The following UPF1 variants were observed in gnomAD, a reference collection of about 807,000 sequenced individuals.
The protein encoded by UPF1 is regulator of nonsense transcripts 1.
A neutral mutation model predicts 129.2 loss-of-function variants in UPF1; 9 were observed. The observed-to-expected ratio is 0.07, with a 90% CI of 0.04 to 0.12. The LOEUF (loss-of-function observed/expected upper bound fraction) is 0.12, where lower values mean the gene tolerates loss of function less well. Among genes scored for constraint, UPF1 ranks in the 10% least tolerant of loss-of-function variants. The probability of loss-of-function intolerance (pLI) is 1.00; values close to 1 mark genes in which losing one functional copy is unlikely to be tolerated. For missense variants in UPF1, 788 were observed against 1,525.3 expected, an observed-to-expected ratio of 0.52 and a Z score of 8.05; for synonymous variants, 649 against 644.9, an observed-to-expected ratio of 1.01 and a Z score of -0.10.
chr19:18,842,584 C>T (rs2145939247), intron 1 of UPF1, among the ~76,000 whole-genome samples: 1 of 152,276 alleles, frequency 6.6e-6, no homozygotes, highest in Non-Finnish European at 1.5e-5. Flanking sequence ...GACCTCCTGG[C>T]AACCCTCTGC....
At chr19:18,847,365 C>T (rs918435148) in intron 2 of UPF1, among the ~76,000 whole-genome samples, 5 of 152,188 alleles carry the variant, frequency 3.3e-5, no homozygotes, top group African/African-American at 1.2e-4. Flanking sequence ...TGCCCAGCTC[C>T]CTGGGAGCAC....
chr19:18,835,808 G>A (rs1265579819), intron 1 of UPF1, among the ~76,000 whole-genome samples: 2 of 152,162 alleles, frequency 1.3e-5, no homozygotes, highest in African/African-American at 2.4e-5. Flanking sequence ...AGGTTTCTGC[G>A]TGGATGTGTT....
chr19:18,846,796 C>T (rs536382456), intron 2 of UPF1, among the ~76,000 whole-genome samples: 20 of 152,264 alleles, frequency 1.3e-4, no homozygotes, highest in African/African-American at 3.8e-4. Flanking sequence ...CGAGACCATC[C>T]TGGCTAACAC....
At chr19:18,863,355 G>A (rs888882239) in intron 18 of UPF1, 83 bp from the exon 19 acceptor site, 2 of 1,542,038 alleles carry the variant, frequency 1.3e-6, no homozygotes, top group Admixed American at 1.8e-5. Context: ...TGGGTTCTGA[G>A]TGAATGCAGC....
chr19:18,857,554 G>A, intron 15 of UPF1, 21 bp downstream of exon 15: 1 of 1,583,588 alleles, frequency 6.3e-7, no homozygotes, highest in Non-Finnish European at 8.6e-7. Context: ...TCTGCCCAGG[G>A]CAGGGGCTTC....
intron 1 of UPF1, among the ~76,000 whole-genome samples, chr19:18,844,188 G>A (rs2055573303): frequency 1.3e-5 from 2 of 151,390 alleles, no homozygotes; most frequent in Admixed American, 6.6e-5. Context: ...AGGAGTTAGA[G>A]ACTCCAGCTC....
chr19:18,864,209 G>C lies in UPF1; in HGVS notation c.2815G>C (p.Glu939Gln). The change falls in exon 20 of 24, where the codon GAG (glutamate) becomes CAG (glutamine). Residue 939 changes from glutamate to glutamine, a missense_variant. Glu to Gln is a conservative substitution (Grantham distance 29, BLOSUM62 2). Coordinates refer to ENST00000262803, the MANE Select transcript of UPF1 (RefSeq NM_002911.4). ...GACCACAGCCATGTATGATGCCCGG[G>C]AGGCCATCATCCCAGGCTCCGTCTA... ...FMTTAMYDAR[E>Q]AIIPGSVYDR... The C allele has an allele frequency of 2.5e-6, 4 of 1,613,890 alleles. No homozygotes were observed. Among genetic ancestry groups the C allele is most frequent in the Non-Finnish European group, 3.4e-6 (4 of 1,179,856 alleles).
At chr19:18,864,733 GTTTTTTTTTTTT>G (rs10682791) in intron 20 of UPF1, among the ~76,000 whole-genome samples, 4 of 73,568 alleles carry the variant, frequency 5.4e-5, no homozygotes, top group Admixed American at 2.0e-4. Context: ...ATTTGCAGGT[GTTTTTTTTTTTT>G]TTTTTTTTTT....
chr19:18,850,101 C>T lies in UPF1; in HGVS notation c.488C>T (p.Ala163Val). The T allele has an allele frequency of 6.2e-7, 1 of 1,614,184 alleles. No homozygotes were observed. The highest frequency in any genetic ancestry group is 8.5e-7 in the Non-Finnish European group (1 of 1,180,026). Residue 163 changes from alanine to valine, a missense_variant, in exon 4 of 24, where the codon GCA (alanine) becomes GTA (valine). Physicochemically the swap from Ala to Val is moderately conservative, Grantham distance 64 (BLOSUM62 0). Coordinates refer to ENST00000262803, the MANE Select transcript of UPF1 (RefSeq NM_002911.4). This position sits in a 1 kb window ranked among gnomAD's most constrained non-coding sequence, Gnocchi z 7.1. ...GSHIVNHLVR[A>V]KCKEVTLHKD... Reference sequence around the variant, plus strand: ...CACATTGTAAATCACCTTGTGAGGGCAAAATGCAAAGAGGTGACCCTGCAC... The same window carrying T: ...CACATTGTAAATCACCTTGTGAGGGTAAAATGCAAAGAGGTGACCCTGCAC...
chr19:18,861,234 C>T (rs566002295), intron 17 of UPF1, among the ~76,000 whole-genome samples: 1 of 152,238 alleles, frequency 6.6e-6, no homozygotes, highest in Non-Finnish European at 1.5e-5. Context: ...GAGATTGGCA[C>T]ATCAAGGTGT....
chr19:18,840,152 C>G (rs2055526349), intron 1 of UPF1, among the ~76,000 whole-genome samples: 1 of 152,026 alleles, frequency 6.6e-6, no homozygotes, highest in Non-Finnish European at 1.5e-5. Flanking sequence ...CATTGTGGCC[C>G]AGGTTGGACC....
chr19:18,852,110 G>A, intron 5 of UPF1, 25 bp from the exon 6 acceptor site: 2 of 1,584,524 alleles, frequency 1.3e-6, no homozygotes, highest in Non-Finnish European at 1.7e-6. Flanking sequence ...CAGGACGAGT[G>A]TGGCGCGGTG....
At chr19:18,844,655 A>T (rs557043385) in intron 1 of UPF1, among the ~76,000 whole-genome samples, 30 of 152,098 alleles carry the variant, frequency 2.0e-4, no homozygotes, top group African/African-American at 7.0e-4. Flanking sequence ...CTCCCTGGTG[A>T]GGGGATAAGT....
rs1414744437 is a variant in UPF1, at chr19:18,857,388, G to A, written c.2037G>A (p.Gly679=). The change falls in exon 15 of 24, where the codon GGG becomes GGA. Residue 679 remains glycine (G), a synonymous_variant. Coordinates refer to ENST00000262803, the MANE Select transcript of UPF1 (RefSeq NM_002911.4). ...TGTGCAAGAAGGCGGCCAAGGCCGG[G>A]CTGTCACAGTCGCTCTTCGAGCGCC... ...VVMCKKAAKA[G]LSQSLFERLV... 2 of 1,613,480 alleles carry A rather than the reference G, an allele frequency of 1.2e-6. No individual in the cohort carries two copies. The highest frequency in any genetic ancestry group is 4.5e-5 in the East Asian group (2 of 44,874).
rs7245456 is a variant in UPF1 at position 18,856,820 on chromosome 19, C to T, written c.1825-57C>T. On this transcript the variant is annotated intron_variant, in intron 13 of 23. Coordinates refer to ENST00000262803, the MANE Select transcript of UPF1 (RefSeq NM_002911.4). ...TCTGTGTTCTGTCCCACCTGCCCTC[C>T]GGGGTCTGGTGGCGTTTACAGTGCA... is the stretch of plus-strand genomic sequence containing the variant. The T allele has an allele frequency of 8.1e-4, 1,264 of 1,552,044 alleles. 9 individuals are homozygous for T. In the African/African-American group the frequency reaches 0.015, roughly 19 times the overall value.
At chr19:18,860,075 G>C in intron 15 of UPF1, 1 of 501,414 alleles carries the variant, frequency 2.0e-6, no homozygotes, top group African/African-American at 2.0e-5. Flanking sequence ...CCTGTTCCCT[G>C]TTCAGGGGCT....
intron 11 of UPF1, 86 bp from the exon 12 acceptor site, chr19:18,855,838 AC>A: frequency 1.3e-6 from 2 of 1,522,832 alleles, no homozygotes; most frequent in Non-Finnish European, 1.8e-6. Flanking sequence ...ACAGAGCAAG[AC>A]CCTGTCTCAA....
chr19:18,861,601 G>A (rs1404937520), intron 17 of UPF1, among the ~76,000 whole-genome samples: 1 of 152,240 alleles, frequency 6.6e-6, no homozygotes, highest in East Asian at 1.9e-4. Context: ...GGGAGGCTGA[G>A]GCAGGGAAGT....
chr19:18,851,184 C>A lies in UPF1; in HGVS notation c.810+316C>A. Reference sequence around the variant, plus strand: ...GGGGCTGGCTGTGGGCAGACTTGTCCTGCAGAGCCTGAACCTGCCCAGACA... The same window carrying A: ...GGGGCTGGCTGTGGGCAGACTTGTCATGCAGAGCCTGAACCTGCCCAGACA... On this transcript the variant is annotated intron_variant, in intron 5 of 23. Transcript: ENST00000262803. The surrounding 1 kb of genome is among the most constrained non-coding windows in gnomAD (Gnocchi z 4.2). The A allele has an allele frequency of 4.1e-6, 1 of 242,700 alleles. No homozygotes were observed. The highest frequency in any genetic ancestry group is 7.4e-5 in the South Asian group (1 of 13,480). The allele number at this position is 242,700 out of a possible 1,614,324, so 15.0% of individuals were successfully genotyped here.
Sources: gnomAD v4.1 joint callset for allele counts (sites outside exome capture counted in the v4.1 genomes callset) on GRCh38, gnomAD v4.1.1 for gene constraint, Gnocchi (gnomAD v3.1) non-coding constraint, MANE v1.5 for transcripts, NCBI Gene and HGNC (gene_info 2026-07-23, HGNC 2026-07-21) for gene names.